Variants in PKD1 observed in about 807,000 individuals in gnomAD.
PKD1 encodes polycystin 1, transient receptor potential channel interacting.
Under a neutral mutation model 361.7 loss-of-function variants are expected in PKD1, and 81 were observed. That is an observed-to-expected ratio of 0.22 (90% CI 0.19 to 0.27). The LOEUF is 0.27. PKD1 is among the 10% of genes least tolerant of loss of function. The probability of loss-of-function intolerance (pLI) is 1.00; values close to 1 mark genes in which losing one functional copy is unlikely to be tolerated. For synonymous variants in PKD1, 3,615 were observed against 2,818.3 expected, an observed-to-expected ratio of 1.28 and a Z score of -8.95; for missense variants, 6,399 against 6,118.3, an observed-to-expected ratio of 1.05 and a Z score of -1.53.
At chr16:2,107,102 T>C (rs1006868087) in intron 16 of PKD1, 154 bp from the exon 17 acceptor site, 11 of 738,068 alleles carry the variant, frequency 1.5e-5, no homozygotes, top group Non-Finnish European at 2.4e-5. Flanking sequence ...CTCATCCGGT[T>C]TGCCACCTTC....
Position 2,131,085 on chromosome 16 carries a change from C to T in PKD1, c.215+4390G>A, listed in dbSNP as rs994166964. Among the ~76,000 whole-genome samples the T allele has an allele frequency of 2.0e-5, 3 of 152,352 alleles. No homozygotes were observed. In the South Asian group the frequency reaches 6.2e-4, roughly 32 times the overall value. ...CAATTTACAAGAAACACAAAGCACA[C>T]ACTCACAGCACCACGGAGGTGACAC... On this transcript the variant is annotated intron_variant, in intron 1 of 45. Transcript: ENST00000262304.
In PKD1 at chr16:2,117,772, G is replaced by A. The variant is rs1255167037; in HGVS notation, c.1201+19C>T. 2.8e-6 allele frequency: 3 copies of A among 1,061,296 alleles called. No homozygotes were observed. Among genetic ancestry groups the A allele is most frequent in the African/African-American group, 1.6e-5 (1 of 63,582 alleles). 65.7% of individuals were successfully genotyped at this position (1,061,296 alleles called of 1,614,324 possible). The stretch of plus-strand genomic sequence containing the variant: ...TGGATGGCCCTGGGGAGGAAGGGGA[G>A]TGGGCAGCAGACACTCACCTCGGGC... On this transcript the variant is annotated intron_variant, in intron 5 of 45. Coordinates refer to ENST00000262304, the MANE Select transcript of PKD1 (RefSeq NM_001009944.3).
chr16:2,133,829 C>T (rs1261396380), intron 1 of PKD1, among the ~76,000 whole-genome samples: 2 of 151,784 alleles, frequency 1.3e-5, no homozygotes, highest in Non-Finnish European at 2.9e-5. Flanking sequence ...CCCAGGGTCC[C>T]CCTCCTCCAA....
chr16:2,111,702 C>A lies in PKD1; in HGVS notation c.3465G>T (p.Gly1155=). The change falls in exon 15 of 46, where the codon GGG becomes GGT. Residue 1155 remains glycine, a synonymous_variant. Coordinates refer to ENST00000262304, the MANE Select transcript of PKD1 (RefSeq NM_001009944.3). ...CGAAGTCCCACGTGTAAAGAACACC[C>A]CCAGGCGAGGGCAGCGGGTGCGGGT... The part of the protein sequence containing the change: ...TFYPHPLPSP[G]GVLYTWDFGD... The A allele has an allele frequency of 1.3e-6, 2 of 1,584,360 alleles. No individual in the cohort carries two copies. The highest frequency in any genetic ancestry group is 1.7e-6 in the Non-Finnish European group (2 of 1,166,802).
At position 2,091,867 on chromosome 16, in the gene PKD1, C is replaced by T. The variant is rs755622553; in HGVS notation, c.11451G>A (p.Gly3817=). 18 of 1,610,972 alleles carry T rather than the reference C, an allele frequency of 1.1e-5. 1 individual carries two copies. The highest frequency in any genetic ancestry group is 1.6e-4 in the Middle Eastern group (1 of 6,084). Residue 3817 remains glycine (G), a synonymous_variant, in exon 41 of 46, where the codon GGG becomes GGA. Coordinates refer to ENST00000262304, the MANE Select transcript of PKD1 (RefSeq NM_001009944.3). ...TCAGGCCCAGCTCCTGCACGTAGCC[C>T]CCGCTGTCATACACGGCACAGGAGC... ...SWGSCAVYDS[G]GYVQELGLSL...
In PKD1 at chr16:2,107,283, C is replaced by T. The variant is rs568252016; in HGVS notation, c.7066-335G>A. 4.5e-4 allele frequency: 184 copies of T among 410,488 alleles called. 1 individual carries two copies. The highest frequency in any genetic ancestry group is 3.2e-3 in the African/African-American group (156 of 48,534). The allele number at this position is 410,488 out of a possible 1,614,324, so 25.4% of individuals were successfully genotyped here. On this transcript the variant is annotated intron_variant, in intron 16 of 45. Coordinates refer to ENST00000262304, the MANE Select transcript of PKD1 (RefSeq NM_001009944.3). ...GTGGGTGTGAGGACCGCAGCTGCCA[C>T]GTAGGCCTGACTCACAGACTCCTGC...
intron 1 of PKD1, among the ~76,000 whole-genome samples, chr16:2,125,338 G>A (rs2092783242): frequency 6.6e-6 from 1 of 152,166 alleles, no homozygotes; most frequent in South Asian, 2.1e-4. Flanking sequence ...CTCTGATACA[G>A]GACGAGGCTG....
Position 2,111,139 on chromosome 16 carries a change from G to A in PKD1, c.4028C>T (p.Pro1343Leu), listed in dbSNP as rs138096771. 2.9e-5 allele frequency: 47 copies of A among 1,610,896 alleles called. No homozygotes were observed. The highest frequency in any genetic ancestry group is 8.3e-5 in the Admixed American group (5 of 59,982). The change falls in exon 15 of 46, where the codon CCG (proline) becomes CTG (leucine). Residue 1343 changes from proline (P) to leucine (L), a missense_variant. Coordinates refer to ENST00000262304, the MANE Select transcript of PKD1 (RefSeq NM_001009944.3). The part of the protein sequence containing the change: ...GSSNTTVRGC[P>L]TVTHNFTRSG... ...CCGCGTGAAGTTGTGTGTCACCGTC[G>A]GGCACCCCCGCACGGTCGTGTTGGA...
Position 2,111,636 on chromosome 16 carries a change from G to A in PKD1, c.3531C>T (p.Ala1177=), listed in dbSNP as rs895161145. The part of the protein sequence containing the change: ...SPVLTQSQPA[A]NHTYASRGTY... Reference sequence around the variant, plus strand: ...TGCCCCTCGAGGCATAGGTGTGGTTGGCAGCCGGCTGGCTCTGGGTCAGGA... The same window carrying A: ...TGCCCCTCGAGGCATAGGTGTGGTTAGCAGCCGGCTGGCTCTGGGTCAGGA... The change falls in exon 15 of 46, where the codon GCC becomes GCT. Residue 1177 remains alanine (A), a synonymous_variant. Transcript: ENST00000262304. The A allele has an allele frequency of 1.3e-6, 2 of 1,574,290 alleles. No individual in the cohort carries two copies. Among genetic ancestry groups the A allele is most frequent in the Non-Finnish European group, 1.7e-6 (2 of 1,161,382 alleles).
chr16:2,112,969 G>A lies in PKD1; in HGVS notation c.2986-6C>T. ...ACGTGGTTGGAGGCCGTCAGCTGCA[G>A]GGACAGGCGTCAGTGAGCCCAGGTG... On this transcript the variant is annotated splice_polypyrimidine_tract_variant and splice_region_variant and intron_variant, in intron 12 of 45. Coordinates refer to ENST00000262304, the MANE Select transcript of PKD1 (RefSeq NM_001009944.3). 1.3e-6 allele frequency: 2 copies of A among 1,598,072 alleles called. No homozygotes were observed. The highest frequency in any genetic ancestry group is 1.7e-6 in the Non-Finnish European group (2 of 1,179,400).
intron 23 of PKD1, 23 bp downstream of exon 23, chr16:2,103,243 T>C (rs1205296343): frequency 1.7e-5 from 28 of 1,607,432 alleles, no homozygotes; most frequent in Non-Finnish European, 2.1e-5. Context: ...GGGGGCCGCG[T>C]GTGCCCCACC....
rs1215297714 is a variant in PKD1 at position 2,118,369 on chromosome 16, T to C, written c.623A>G (p.Glu208Gly). The change falls in exon 5 of 46, where the codon GAG becomes GGG. Residue 208 changes from glutamate to glycine, a missense_variant. By Grantham distance (98) the Glu-to-Gly change is moderately conservative. Transcript: ENST00000262304. The surrounding 1 kb of genome is among the most constrained non-coding windows in gnomAD (Gnocchi z 6.0). ...SAAHEGLLQP[E>G]ACSAFCFSTG... ...GGAGAAGCAGAAGGCGCTGCAGGCCTCTGGCTGAAGCAGGCCTTCGTGGGC... is the reference window on the plus strand; with the variant it reads ...GGAGAAGCAGAAGGCGCTGCAGGCCCCTGGCTGAAGCAGGCCTTCGTGGGC... 1 of 1,324,500 alleles carries C rather than the reference T, an allele frequency of 7.6e-7. No homozygotes were observed. Among genetic ancestry groups the C allele is most frequent in the Admixed American group, 2.0e-5 (1 of 50,784 alleles). The allele number at this position is 1,324,500 out of a possible 1,614,324, so 82.0% of individuals were successfully genotyped here.
chr16:2,105,578 G>C (rs548100834), intron 20 of PKD1, 104 bp from the exon 21 acceptor site: 15 of 1,592,658 alleles, frequency 9.4e-6, no homozygotes, highest in African/African-American at 4.0e-5. Flanking sequence ...GCTAGACGCT[G>C]TGTGATGCGG....
At chr16:2,113,894 G>C (rs1443706223) in intron 11 of PKD1, 3 of 538,628 alleles carry the variant, frequency 5.6e-6, no homozygotes, top group Non-Finnish European at 1.0e-5. Context: ...AGACTCACGG[G>C]GGCTCGTGTG....
Position 2,093,679 on chromosome 16 carries a change from A to G in PKD1, c.10881T>C (p.Asp3627=), listed in dbSNP as rs2091711146. Residue 3627 remains aspartate (D), a synonymous_variant, in exon 37 of 46, where the codon GAT becomes GAC. Coordinates refer to ENST00000262304, the MANE Select transcript of PKD1 (RefSeq NM_001009944.3). ...LVAKRLHPDE[D]DTLVESPAVT... is the part of the protein sequence containing the mutation. ...CAGCCGGGCTCTCTACCAGGGTGTC[A>G]TCTTCATCCGGGTGCAGCCGCTTGG... The G allele has an allele frequency of 6.2e-7, 1 of 1,605,958 alleles. No homozygotes were observed. The highest frequency in any genetic ancestry group is 1.1e-5 in the South Asian group (1 of 89,820).
rs1596465827 is a variant in PKD1, at chr16:2,088,728, T to C, written c.*999A>G. On this transcript the variant is annotated 3_prime_UTR_variant, in exon 46 of 46. Coordinates refer to ENST00000262304, the MANE Select transcript of PKD1 (RefSeq NM_001009944.3). The stretch of plus-strand genomic sequence containing the variant: ...ACAGATTGCAGTCAGACAGCTCTTT[T>C]ATTGACTTTGTCTGCTTGGTGCGGG... 2 of 1,384,292 alleles carry C rather than the reference T, an allele frequency of 1.4e-6. No homozygotes were observed. Among genetic ancestry groups the C allele is most frequent in the South Asian group, 1.3e-5 (1 of 76,346 alleles). The allele number at this position is 1,384,292 out of a possible 1,614,324, so 85.8% of individuals were successfully genotyped here.
At position 2,109,572 on chromosome 16, in the gene PKD1, C is replaced by G. The variant is rs1318343116; in HGVS notation, c.5595G>C (p.Arg1865=). ...VFPDAGTFSI[R]LNASNAVSWV... Reference sequence around the variant, plus strand: ...AGCTGACTGCGTTGGAGGCATTGAGCCGGATGGAGAAGGTGCCAGCATCCG... The same window carrying G: ...AGCTGACTGCGTTGGAGGCATTGAGGCGGATGGAGAAGGTGCCAGCATCCG... The change falls in exon 15 of 46, where the codon CGG becomes CGC. Residue 1865 remains arginine (R), a synonymous_variant. Coordinates refer to ENST00000262304, the MANE Select transcript of PKD1 (RefSeq NM_001009944.3). The G allele has an allele frequency of 8.1e-6, 13 of 1,611,518 alleles. No homozygotes were observed. The highest frequency in any genetic ancestry group is 1.1e-5 in the Non-Finnish European group (13 of 1,179,538).
chr16:2,096,872 T>G, intron 34 of PKD1: 1 of 536,388 alleles, frequency 1.9e-6, no homozygotes, highest in Non-Finnish European at 3.3e-6. Context: ...GAGACCAAGA[T>G]AAAAACGTGG....
In PKD1 at chr16:2,114,741, G is replaced by A; in HGVS notation, c.2282C>T (p.Thr761Ile). Residue 761 changes from threonine (T) to isoleucine (I), a missense_variant, in exon 11 of 46, where the codon ACT becomes ATT. Physicochemically the swap from Thr to Ile is moderately conservative, Grantham distance 89. Coordinates refer to ENST00000262304, the MANE Select transcript of PKD1 (RefSeq NM_001009944.3). ...CAGGGCACAGGCAGGGCAGGCCCAA[G>A]TGCCCTCCAGCTGGGCTGGCAAGTG... ...LPHLPAQLEG[T>I]WACPACALRL... The A allele has an allele frequency of 1.1e-5, 17 of 1,507,492 alleles. No homozygotes were observed. Among genetic ancestry groups the A allele is most frequent in the Non-Finnish European group, 1.5e-5 (17 of 1,122,980 alleles). The allele number at this position is 1,507,492 out of a possible 1,614,324, so 93.4% of individuals were successfully genotyped here. A position where few individuals can be genotyped will look rare whatever the true frequency, so the allele number is the denominator to read the frequency against.
Sources: gnomAD v4.1 joint callset for allele counts (sites outside exome capture counted in the v4.1 genomes callset) on GRCh38, gnomAD v4.1.1 for gene constraint, Gnocchi (gnomAD v3.1) non-coding constraint, MANE v1.5 for transcripts, NCBI Gene and HGNC (gene_info 2026-07-23, HGNC 2026-07-21) for gene names.